Variants in PDE3B observed in about 807,000 individuals in gnomAD.
PDE3B encodes cGMP-inhibited 3',5'-cyclic phosphodiesterase 3B.
In PDE3B, 66 loss-of-function variants were observed where a neutral mutation model predicts 116.8. That is an observed-to-expected ratio of 0.56 (90% CI 0.46 to 0.69). The LOEUF is 0.69. Among genes scored for constraint, PDE3B ranks in the 30% least tolerant of loss-of-function variants. PDE3B has a pLI of 0.00. For synonymous variants in PDE3B, 595 were observed against 533.6 expected, an observed-to-expected ratio of 1.12 and a Z score of -1.59; for missense variants, 1,384 against 1,368.1, an observed-to-expected ratio of 1.01 and a Z score of -0.18.
At chr11:14,723,609 C>T (rs1171624163) in intron 1 of PDE3B, among the ~76,000 whole-genome samples, 1 of 151,530 alleles carries the variant, frequency 6.6e-6, no homozygotes, top group Non-Finnish European at 1.5e-5. Context: ...AAAAAAAAAC[C>T]CATTAGCTGG....
intron 1 of PDE3B, among the ~76,000 whole-genome samples, chr11:14,712,877 G>A (rs1855751789): frequency 6.6e-6 from 1 of 152,184 alleles, no homozygotes; most frequent in East Asian, 1.9e-4. Context: ...TCCTACTGAT[G>A]TCAGATTTAG....
intron 1 of PDE3B, among the ~76,000 whole-genome samples, chr11:14,710,289 T>C (rs1487429644): frequency 6.6e-6 from 1 of 152,172 alleles, no homozygotes; most frequent in African/African-American, 2.4e-5. Context: ...GCTGAATAGA[T>C]GATTTATTTT....
chr11:14,705,717 A>C (rs1286709696), intron 1 of PDE3B, among the ~76,000 whole-genome samples: 1 of 151,818 alleles, frequency 6.6e-6, no homozygotes, highest in Non-Finnish European at 1.5e-5. Flanking sequence ...AATCCATGTT[A>C]GTGGTTAAGC....
intron 1 of PDE3B, among the ~76,000 whole-genome samples, chr11:14,697,649 G>T (rs1439570157): frequency 1.3e-5 from 2 of 151,994 alleles, no homozygotes; most frequent in South Asian, 2.1e-4. Context: ...GGTTTGCATT[G>T]TATCTATAGA....
the PDE3B span, chr11:14,880,795 T>A: frequency 2.5e-6 from 4 of 1,581,260 alleles, no homozygotes; most frequent in Non-Finnish European, 3.4e-6. Flanking sequence ...AAATATTGTA[T>A]AATTCCTACT....
At chr11:14,646,761 CT>C (rs1853419560) in intron 1 of PDE3B, among the ~76,000 whole-genome samples, 1 of 152,052 alleles carries the variant, frequency 6.6e-6, no homozygotes, top group Non-Finnish European at 1.5e-5. Flanking sequence ...GTGTGGTGCT[CT>C]TTCCATCACA....
At chr11:14,675,109 A>G (rs945521502) in intron 1 of PDE3B, among the ~76,000 whole-genome samples, 1 of 152,180 alleles carries the variant, frequency 6.6e-6, no homozygotes, top group East Asian at 1.9e-4. Context: ...TTAGGTTGAT[A>G]TAATTCTTCA....
intron 1 of PDE3B, among the ~76,000 whole-genome samples, chr11:14,669,768 A>G (rs993390629): frequency 2.6e-5 from 4 of 152,114 alleles, no homozygotes; most frequent in Non-Finnish European, 5.9e-5. Context: ...CAGTATCTGC[A>G]GTATCGGAGG....
At chr11:14,729,053 C>T (rs1317173387) in intron 1 of PDE3B, among the ~76,000 whole-genome samples, 2 of 152,128 alleles carry the variant, frequency 1.3e-5, no homozygotes, top group Non-Finnish European at 2.9e-5. Flanking sequence ...ATCTTTGTAG[C>T]AGTCCCTGAG....
At chr11:14,651,631 G>C (rs1853577458) in intron 1 of PDE3B, among the ~76,000 whole-genome samples, 1 of 152,114 alleles carries the variant, frequency 6.6e-6, no homozygotes, top group Non-Finnish European at 1.5e-5. Flanking sequence ...GGTATGAAAT[G>C]GCATTTCTTT....
chr11:14,806,402 C>G (rs1034000229), intron 5 of PDE3B, among the ~76,000 whole-genome samples: 1 of 150,420 alleles, frequency 6.6e-6, no homozygotes, highest in African/African-American at 2.4e-5. Context: ...GAGCCGAGAT[C>G]GTGCCACTGC....
intron 6 of PDE3B, 131 bp downstream of exon 6, chr11:14,818,524 G>A (rs1304217827): frequency 1.6e-6 from 1 of 621,360 alleles, no homozygotes; most frequent in Non-Finnish European, 2.8e-6. Context: ...GTGTTATAAT[G>A]AAATGACATT....
intron 1 of PDE3B, among the ~76,000 whole-genome samples, chr11:14,744,238 C>G (rs150795066): frequency 4.6e-5 from 7 of 151,926 alleles, no homozygotes; most frequent in Non-Finnish European, 1.0e-4. Context: ...TTCTTTTTTC[C>G]TTTCTATTCT....
intron 1 of PDE3B, among the ~76,000 whole-genome samples, chr11:14,679,709 C>A (rs1242602404): frequency 6.6e-6 from 1 of 151,632 alleles, no homozygotes; most frequent in Non-Finnish European, 1.5e-5. Context: ...CAGCTCAGGG[C>A]GAACTCACAT....
At chr11:14,885,962 G>A in the PDE3B span, 2 of 1,585,184 alleles carry the variant, frequency 1.3e-6, no homozygotes, top group Non-Finnish European at 8.7e-7. Context: ...CAGCATGTAT[G>A]GAGAAATATA....
At chr11:14,858,829 A>G (rs908360620) in intron 12 of PDE3B, among the ~76,000 whole-genome samples, 2 of 152,206 alleles carry the variant, frequency 1.3e-5, no homozygotes, top group Non-Finnish European at 2.9e-5. Context: ...AGAGCTATGT[A>G]TGTTGGAAGG....
intron 1 of PDE3B, among the ~76,000 whole-genome samples, chr11:14,751,151 C>T (rs1415837965): frequency 6.6e-6 from 1 of 152,086 alleles, no homozygotes; most frequent in African/African-American, 2.4e-5. Context: ...AGCTGCCTGG[C>T]ACTGTTCTGT....
At chr11:14,872,389 G>T (rs1335219409), downstream of PDE3B, among the ~76,000 whole-genome samples, 1 of 152,190 alleles carries the variant, frequency 6.6e-6, no homozygotes, top group Non-Finnish European at 1.5e-5. Context: ...AGAAATGATT[G>T]CTTGTAGAGA....
chr11:14,843,861 T>C lies in PDE3B; in HGVS notation c.2355T>C (p.Ala785=), dbSNP rs768119364. The change falls in exon 12 of 16, where the codon GCT becomes GCC. Residue 785 remains alanine (A), a synonymous_variant. Coordinates refer to ENST00000282096, the MANE Select transcript of PDE3B (RefSeq NM_000922.4). ...GTAGAATTAACCATGGGCGAATTGC[T>C]TATATTTCTTCGAAGAGCTGCTCTA... ...SDGRINHGRI[A]YISSKSCSNP... The C allele has an allele frequency of 6.2e-7, 1 of 1,614,146 alleles. No homozygotes were observed. Among genetic ancestry groups the C allele is most frequent in the South Asian group, 1.1e-5 (1 of 91,082 alleles).
Sources: allele counts gnomAD v4.1 joint callset (sites outside exome capture counted in the v4.1 genomes callset), GRCh38; gene constraint gnomAD v4.1.1; transcripts MANE v1.5; gene names NCBI Gene and HGNC (gene_info 2026-07-23, HGNC 2026-07-21).